SYN2: variants seen among roughly 807,000 people sequenced by gnomAD.
SYN2 encodes synapsin II.
SYN2 carries 19 observed loss-of-function variants against 50.9 expected under a neutral mutation model. The observed-to-expected ratio is 0.37, with a 90% confidence interval of 0.26 to 0.55. The LOEUF is 0.55. Among genes scored for constraint, SYN2 ranks in the 20% least tolerant of loss-of-function variants. SYN2 has a pLI of 0.81. For synonymous variants in SYN2, 255 were observed against 224.9 expected (o/e 1.13, Z -1.20); for missense variants, 587 against 576.4 (o/e 1.02, Z -0.19).
intron 1 of SYN2, among the ~76,000 whole-genome samples, chr3:12,016,270 G>C (rs1170249834): frequency 1.3e-5 from 2 of 152,148 alleles, no homozygotes; most frequent in Non-Finnish European, 2.9e-5. Flanking sequence ...AGATAAAAGG[G>C]CACCAATGAA....
intron 1 of SYN2, among the ~76,000 whole-genome samples, chr3:12,100,660 A>G (rs574346461): frequency 3.9e-5 from 6 of 152,338 alleles, no homozygotes; most frequent in Non-Finnish European, 5.9e-5. Flanking sequence ...TTCATGGGAT[A>G]CTATCAGTAA....
intron 10 of SYN2, among the ~76,000 whole-genome samples, chr3:12,179,267 C>T (rs1447521060): frequency 1.1e-4 from 2 of 18,378 alleles, no homozygotes; most frequent in African/African-American, 9.7e-4. Flanking sequence ...GTCCAATAAC[C>T]CTAGGGGTCT....
chr3:12,068,612 A>G (rs190144813), intron 1 of SYN2, among the ~76,000 whole-genome samples: 19 of 152,150 alleles, frequency 1.2e-4, no homozygotes, highest in Admixed American at 7.9e-4. Flanking sequence ...TTTTAGAACT[A>G]TTATTTGGTT....
Position 12,056,489 on chromosome 3 carries a change from A to G in SYN2, c.377+51561A>G, listed in dbSNP as rs1486808116. Reference sequence around the variant, plus strand: ...TACAACATAAAGTTTAAAGAAAAAAATGTTTTCTGTTGTATGAACAAGAGC... The same window carrying G: ...TACAACATAAAGTTTAAAGAAAAAAGTGTTTTCTGTTGTATGAACAAGAGC... On this transcript the variant is annotated intron_variant, in intron 1 of 12. Coordinates refer to ENST00000621198, the MANE Select transcript of SYN2 (RefSeq NM_133625.6). 2.0e-5 allele frequency among the ~76,000 whole-genome samples: 3 copies of G among 152,114 alleles called. No individual in the cohort carries two copies. The East Asian group carries it at 5.8e-4, about 29-fold the overall frequency.
At chr3:12,182,102 T>G (rs1698235241) in intron 10 of SYN2, among the ~76,000 whole-genome samples, 1 of 152,152 alleles carries the variant, frequency 6.6e-6, no homozygotes, top group Non-Finnish European at 1.5e-5. Flanking sequence ...GTTAAAAGAC[T>G]GTGATACTGA....
At chr3:12,090,230 T>TG (rs1182446321) in intron 1 of SYN2, among the ~76,000 whole-genome samples, 1 of 152,188 alleles carries the variant, frequency 6.6e-6, no homozygotes, top group Non-Finnish European at 1.5e-5. Context: ...AGGAAGTCTC[T>TG]GGGGCTGTGG....
intron 1 of SYN2, among the ~76,000 whole-genome samples, chr3:12,055,579 T>A (rs941482958): frequency 6.6e-6 from 1 of 152,228 alleles, no homozygotes; most frequent in Non-Finnish European, 1.5e-5. Context: ...TTTGCAGTTA[T>A]GAATTTTTAG....
chr3:12,144,316 G>A (rs901354265), intron 3 of SYN2, among the ~76,000 whole-genome samples: 13 of 152,146 alleles, frequency 8.5e-5, no homozygotes, highest in African/African-American at 2.2e-4. Flanking sequence ...CCTAGCCTCC[G>A]CTTTGGAAGA....
chr3:12,022,916 T>C (rs1247611004), intron 1 of SYN2, among the ~76,000 whole-genome samples: 2 of 96,876 alleles, frequency 2.1e-5, no homozygotes, highest in Admixed American at 1.3e-4. Flanking sequence ...AGATTATAGC[T>C]GCAATATGAG....
At chr3:12,040,725 A>G (rs1281622002) in intron 1 of SYN2, among the ~76,000 whole-genome samples, 5 of 152,198 alleles carry the variant, frequency 3.3e-5, no homozygotes, top group African/African-American at 1.2e-4. Flanking sequence ...TTTTAAAAAT[A>G]TATCCAATAT....
At chr3:12,154,364 C>G in intron 5 of SYN2, 1 of 1,614,228 alleles carries the variant, frequency 6.2e-7, no homozygotes. Context: ...ATGATTCAGA[C>G]TTTCCCTCTG....
chr3:12,100,953 T>C (rs1696060622), intron 1 of SYN2, among the ~76,000 whole-genome samples: 1 of 152,122 alleles, frequency 6.6e-6, no homozygotes, highest in Non-Finnish European at 1.5e-5. Flanking sequence ...CCCTTGTCAT[T>C]GTTATAATAA....
At chr3:12,116,364 G>A (rs1559426224) in intron 1 of SYN2, among the ~76,000 whole-genome samples, 1 of 152,162 alleles carries the variant, frequency 6.6e-6, no homozygotes, top group African/African-American at 2.4e-5. Flanking sequence ...CTGGAAGAAG[G>A]AAAAGGAAAA....
At chr3:12,070,929 ATCC>A (rs1401241140) in intron 1 of SYN2, 1 of 555,206 alleles carries the variant, frequency 1.8e-6, no homozygotes, top group Non-Finnish European at 3.6e-6. Flanking sequence ...CCACCGCCGC[ATCC>A]TCCTCCTCTC....
intron 1 of SYN2, among the ~76,000 whole-genome samples, chr3:12,041,439 A>T (rs543487163): frequency 6.6e-6 from 1 of 152,324 alleles, no homozygotes; most frequent in East Asian, 1.9e-4. Context: ...GCCATGAGAA[A>T]TATGAACTGG....
chr3:12,101,033 A>C (rs566629492), intron 1 of SYN2, among the ~76,000 whole-genome samples: 1 of 152,334 alleles, frequency 6.6e-6, no homozygotes, highest in South Asian at 2.1e-4. Context: ...CACTACTGGG[A>C]ATGCAAAATG....
chr3:12,187,471 C>T lies in SYN2; in HGVS notation c.1472C>T (p.Ser491Phe), dbSNP rs1698365235. The T allele has an allele frequency of 2.1e-6, 3 of 1,401,952 alleles. No individual in the cohort carries two copies. The African/African-American group carries it at 4.2e-5, about 19-fold the overall frequency. 86.8% of individuals were successfully genotyped at this position (1,401,952 alleles called of 1,614,324 possible). A position where few individuals can be genotyped will look rare whatever the true frequency, so the allele number is the denominator to read the frequency against. Residue 491 changes from serine (S) to phenylalanine (F), a missense_variant, in exon 12 of 13, where the codon TCT becomes TTT. Physicochemically the swap from Ser to Phe is radical, Grantham distance 155. Coordinates refer to ENST00000621198, the MANE Select transcript of SYN2 (RefSeq NM_133625.6). ...CTGCCACCTTCCTCCTCTTCCTCCT[C>T]TTCTTCCTCCTCCTCGGCTCCTCAG... Reference protein sequence around the residue: ...PSLPPSSSSSSSSSSSAPQRP... With the variant: ...PSLPPSSSSSFSSSSSAPQRP...
chr3:12,159,379 CAG>C (rs1697574250), intron 5 of SYN2: 1 of 153,728 alleles, frequency 6.5e-6, no homozygotes, highest in Admixed American at 6.5e-5. Flanking sequence ...ACGAGCTACT[CAG>C]GGCTTCTTTC....
intron 5 of SYN2, chr3:12,157,633 G>A (rs937450163): frequency 7.3e-6 from 5 of 688,150 alleles, no homozygotes; most frequent in Non-Finnish European, 1.3e-5. Context: ...GTGAGAAGGG[G>A]GACCTGGAAA....
Sources: allele counts gnomAD v4.1 joint callset (sites outside exome capture counted in the v4.1 genomes callset), GRCh38; gene constraint gnomAD v4.1.1; transcripts MANE v1.5; gene names NCBI Gene and HGNC (gene_info 2026-07-23, HGNC 2026-07-21).